MCTP1: variants seen among roughly 807,000 people sequenced by gnomAD.
MCTP1 encodes the protein multiple C2 and transmembrane domain-containing protein 1.
A neutral mutation model predicts 120.6 loss-of-function variants in MCTP1; 69 were observed. The observed-to-expected ratio is 0.57, with a 90% CI of 0.47 to 0.70. The LOEUF is 0.70. Among genes scored for constraint, MCTP1 ranks in the 30% least tolerant of loss-of-function variants. MCTP1 has a pLI of 0.00. For synonymous variants in MCTP1, 529 were observed against 493.1 expected (o/e 1.07, Z -0.96); for missense variants, 1,203 against 1,248.8 (o/e 0.96, Z 0.55).
rs754461255 is a variant in MCTP1 at position 94,963,354 on chromosome 5, A to ATTTT, written c.839-9997_839-9994dup. On this transcript the variant is annotated intron_variant, in intron 2 of 22. Coordinates refer to ENST00000515393, the MANE Select transcript of MCTP1 (RefSeq NM_024717.7). The stretch of plus-strand genomic sequence containing the variant: ...GATTGCTAGGTAATATTGTAATTCT[A>ATTTT]TTTTTTTTTTTTTTTGAGAAACCTC... Among the ~76,000 whole-genome samples the ATTTT allele has an allele frequency of 1.8e-4, 24 of 136,806 alleles. 1 individual carries two copies. Among genetic ancestry groups the ATTTT allele is most frequent in the Non-Finnish European group, 2.5e-4 (16 of 62,978 alleles). 89.8% of individuals were successfully genotyped at this position (136,806 alleles called of 152,430 possible).
chr5:95,043,141 G>T (rs894730677), intron 1 of MCTP1, among the ~76,000 whole-genome samples: 1 of 152,044 alleles, frequency 6.6e-6, no homozygotes, highest in African/African-American at 2.4e-5. Context: ...CAGCTGCCAA[G>T]AACATATTAT....
chr5:95,153,961 AT>A (rs1744815106), intron 1 of MCTP1, among the ~76,000 whole-genome samples: 1 of 152,202 alleles, frequency 6.6e-6, no homozygotes, highest in South Asian at 2.1e-4. Context: ...TAAAAATTAT[AT>A]TTTTAGCTCA....
intron 19 of MCTP1, chr5:94,739,563 C>A (rs1300002561): frequency 6.6e-6 from 1 of 152,164 alleles, no homozygotes; most frequent in Non-Finnish European, 1.5e-5. Flanking sequence ...CCAAACCCAG[C>A]CTTTTGGCAT....
At chr5:95,172,221 G>T (rs528215329) in intron 1 of MCTP1, among the ~76,000 whole-genome samples, 2 of 152,176 alleles carry the variant, frequency 1.3e-5, no homozygotes, top group African/African-American at 4.8e-5. Context: ...GCAGAACAGC[G>T]CATATTGCTG....
chr5:95,171,329 G>C (rs251072), intron 1 of MCTP1, among the ~76,000 whole-genome samples: 3 of 151,956 alleles, frequency 2.0e-5, no homozygotes, highest in African/African-American at 7.3e-5. Flanking sequence ...CCTTTCTCTC[G>C]GGCTGCCCTT....
intron 1 of MCTP1, among the ~76,000 whole-genome samples, chr5:95,042,297 A>T (rs1408772621): frequency 6.6e-6 from 1 of 152,210 alleles, no homozygotes; most frequent in African/African-American, 2.4e-5. Flanking sequence ...TCAAGTACAC[A>T]CTTTAAAGAG....
At chr5:94,968,401 G>A (rs2153571166) in intron 2 of MCTP1, among the ~76,000 whole-genome samples, 1 of 152,082 alleles carries the variant, frequency 6.6e-6, no homozygotes, top group Admixed American at 6.6e-5. Flanking sequence ...CATCTTTTAG[G>A]ACCAACAATC....
intron 3 of MCTP1, among the ~76,000 whole-genome samples, chr5:94,949,154 T>C (rs1267599122): frequency 1.3e-5 from 2 of 152,216 alleles, no homozygotes; most frequent in African/African-American, 4.8e-5. Flanking sequence ...AATAACAATT[T>C]ATATAAATAT....
At chr5:94,718,574 C>T (rs531902972) in intron 19 of MCTP1, among the ~76,000 whole-genome samples, 18 of 152,188 alleles carry the variant, frequency 1.2e-4, no homozygotes, top group Non-Finnish European at 2.4e-4. Context: ...TCAGAGTGAA[C>T]AGACAACCCA....
chr5:95,167,810 G>A (rs1746625422), intron 1 of MCTP1, among the ~76,000 whole-genome samples: 1 of 152,170 alleles, frequency 6.6e-6, no homozygotes, highest in Non-Finnish European at 1.5e-5. Context: ...TTTGTCAGAT[G>A]AGTAGATTGG....
At chr5:95,093,074 T>C (rs1755969236) in intron 1 of MCTP1, among the ~76,000 whole-genome samples, 1 of 152,208 alleles carries the variant, frequency 6.6e-6, no homozygotes, top group Admixed American at 6.5e-5. Flanking sequence ...AACACCAATT[T>C]GGAGTAAAAT....
At chr5:95,158,815 T>C (rs1745405033) in intron 1 of MCTP1, among the ~76,000 whole-genome samples, 1 of 150,960 alleles carries the variant, frequency 6.6e-6, no homozygotes, top group South Asian at 2.1e-4. Flanking sequence ...GGTGCATGCC[T>C]ATGGTCCCAG....
intron 1 of MCTP1, among the ~76,000 whole-genome samples, chr5:95,034,846 T>C (rs114056228): frequency 0.014 from 2,052 of 151,972 alleles, 47 homozygotes; most frequent in African/African-American, 0.048. Flanking sequence ...ATATCCAGAA[T>C]CTATAAGGAA....
chr5:95,226,124 A>G (rs1356013433), intron 1 of MCTP1, among the ~76,000 whole-genome samples: 1 of 151,948 alleles, frequency 6.6e-6, no homozygotes, highest in Non-Finnish European at 1.5e-5. Flanking sequence ...GCCTTTTATT[A>G]TCCCTCACCC....
intron 20 of MCTP1, among the ~76,000 whole-genome samples, chr5:94,713,157 CTT>C (rs1310762704): frequency 6.6e-6 from 1 of 151,994 alleles, no homozygotes; most frequent in African/African-American, 2.4e-5. Flanking sequence ...TTAAAGATTG[CTT>C]TTGAGTCTGC....
chr5:94,894,664 C>G lies in MCTP1; in HGVS notation c.1824G>C (p.Glu608Asp). ...NSLEDQKERE[E>D]ILKRYSPLRI... Reference sequence around the variant, plus strand: ...ACATACGTACATATCTCTTTAATATCTCCTCTCGTTCCTTCTGGTCCTCCA... The same window carrying G: ...ACATACGTACATATCTCTTTAATATGTCCTCTCGTTCCTTCTGGTCCTCCA... Residue 608 changes from glutamate to aspartate, a missense_variant, in exon 11 of 23, where the codon GAG becomes GAC. Glu to Asp is a conservative substitution (Grantham distance 45). Transcript: ENST00000515393. 1.2e-6 allele frequency: 2 copies of G among 1,605,404 alleles called. No individual in the cohort carries two copies. The highest frequency in any genetic ancestry group is 1.7e-6 in the Non-Finnish European group (2 of 1,173,178).
At chr5:95,215,021 AG>A (rs1000586977) in intron 1 of MCTP1, among the ~76,000 whole-genome samples, 1 of 152,158 alleles carries the variant, frequency 6.6e-6, no homozygotes, top group African/African-American at 2.4e-5. Flanking sequence ...TAAAAAAAAA[AG>A]ATTGTCTCAA....
intron 1 of MCTP1, among the ~76,000 whole-genome samples, chr5:95,047,757 T>C (rs926743470): frequency 1.3e-5 from 2 of 152,086 alleles, no homozygotes; most frequent in Non-Finnish European, 2.9e-5. Context: ...CACCTATTCA[T>C]CTCTTCTTCC....
intron 3 of MCTP1, among the ~76,000 whole-genome samples, 167 bp from the exon 4 acceptor site, chr5:94,942,594 A>G (rs889390546): frequency 1.1e-4 from 17 of 152,124 alleles, no homozygotes; most frequent in Non-Finnish European, 4.4e-5. Flanking sequence ...GTCTCACGAA[A>G]CACTTAAAGA....
Sources: gnomAD v4.1 joint callset for allele counts (sites outside exome capture counted in the v4.1 genomes callset) on GRCh38, gnomAD v4.1.1 for gene constraint, MANE v1.5 for transcripts, NCBI Gene and HGNC (gene_info 2026-07-23, HGNC 2026-07-21) for gene names.